Variants in LRRC3B observed in about 807,000 individuals in gnomAD.
LRRC3B encodes leucine rich repeat containing 3B.
LRRC3B carries 2 observed loss-of-function variants against 12.8 expected under a neutral mutation model. That is an observed-to-expected ratio of 0.16 (90% CI 0.06 to 0.49). The LOEUF (loss-of-function observed/expected upper bound fraction) is 0.49, where lower values mean the gene tolerates loss of function less well. Ranked by LOEUF, LRRC3B falls within the 20% of genes least tolerant of loss-of-function variation. The probability of loss-of-function intolerance (pLI) is 0.96; values close to 1 mark genes in which losing one functional copy is unlikely to be tolerated. For synonymous variants in LRRC3B, 132 were observed against 122.0 expected (o/e 1.08, Z -0.54); for missense variants, 189 against 319.4 (o/e 0.59, Z 3.11).
chr3:26,672,976 A>G (rs1246925871), intron 1 of LRRC3B, among the ~76,000 whole-genome samples: 1 of 152,208 alleles, frequency 6.6e-6, no homozygotes, highest in Non-Finnish European at 1.5e-5. Context: ...TGGTTGGCGA[A>G]GTAGGTTTAT....
Position 26,671,369 on chromosome 3 carries a change from T to TAG in LRRC3B, c.-160-38143_-160-38142insGA, listed in dbSNP as rs773929815. Reference sequence around the variant, plus strand: ...ATGTGTGTATATATATATATATATATATATAGAGAGAGAGAGAGAGAGAGA... The same window carrying TAG: ...ATGTGTGTATATATATATATATATATAGATATAGAGAGAGAGAGAGAGAGAGA... On this transcript the variant is annotated intron_variant, in intron 1 of 1. Transcript: ENST00000396641. Among the ~76,000 whole-genome samples, 311 of 38,164 alleles carry TAG rather than the reference T, an allele frequency of 8.1e-3. 5 individuals carry two copies. Among genetic ancestry groups the TAG allele is most frequent in the Middle Eastern group, 0.045 (2 of 44 alleles). 25.0% of individuals were successfully genotyped at this position (38,164 alleles called of 152,430 possible). A position where few individuals can be genotyped will look rare whatever the true frequency, so the allele number is the denominator to read the frequency against.
At chr3:26,669,076 G>T (rs1216257226) in intron 1 of LRRC3B, among the ~76,000 whole-genome samples, 1 of 152,148 alleles carries the variant, frequency 6.6e-6, no homozygotes, top group Non-Finnish European at 1.5e-5. Flanking sequence ...TATTCATTAA[G>T]ATTAATAAAT....
rs1464434108 is a variant in LRRC3B at position 26,663,962 on chromosome 3, A to G, written c.-161+40725A>G. Among the ~76,000 whole-genome samples, 3 of 152,224 alleles carry G rather than the reference A, an allele frequency of 2.0e-5. No homozygotes were observed. In the East Asian group the frequency reaches 5.8e-4, roughly 29 times the overall value. On this transcript the variant is annotated intron_variant, in intron 1 of 1. Coordinates refer to ENST00000396641, the Ensembl canonical transcript of LRRC3B. ...TTTAATTCAATCAGAGGATTTTTCT[A>G]TGAACACATTTGAACATGTACTTTC... is the stretch of plus-strand genomic sequence containing the variant.
chr3:26,629,237 T>A (rs926443845), intron 1 of LRRC3B, among the ~76,000 whole-genome samples: 5 of 133,614 alleles, frequency 3.7e-5, no homozygotes, highest in African/African-American at 1.4e-4. Context: ...CCTCCCACTC[T>A]TCCTCCCTTC....
At chr3:26,667,708 G>T (rs1158403528) in intron 1 of LRRC3B, among the ~76,000 whole-genome samples, 1 of 151,990 alleles carries the variant, frequency 6.6e-6, no homozygotes, top group Admixed American at 6.5e-5. Flanking sequence ...TATCTCATTG[G>T]ACAAAACATG....
intron 1 of LRRC3B, among the ~76,000 whole-genome samples, chr3:26,635,000 G>T (rs146108469): frequency 6.7e-4 from 102 of 152,344 alleles, no homozygotes; most frequent in East Asian, 6.4e-3. Context: ...ATCATGAGAA[G>T]CTTCAAAGAT....
rs73059387 is a variant in LRRC3B, at chr3:26,709,638, G to T, written c.-35G>T. 2.5e-6 allele frequency: 4 copies of T among 1,596,660 alleles called. No individual in the cohort carries two copies. Among genetic ancestry groups the T allele is most frequent in the Non-Finnish European group, 3.4e-6 (4 of 1,169,760 alleles). ...CTTTACCACGCTTGTTGGAGTAGATGAGGAATGGGCTCGTGATTATGCTGA... is the reference window on the plus strand; with the variant it reads ...CTTTACCACGCTTGTTGGAGTAGATTAGGAATGGGCTCGTGATTATGCTGA... On this transcript the variant is annotated 5_prime_UTR_variant, in exon 2 of 2. An upstream start codon of the reference 5' UTR is lost. Transcript: ENST00000396641.
At chr3:26,637,176 G>A (rs1279677001) in intron 1 of LRRC3B, among the ~76,000 whole-genome samples, 1 of 151,550 alleles carries the variant, frequency 6.6e-6, no homozygotes. Flanking sequence ...TTTTAGTAGA[G>A]ACAGGGTTTC....
intron 1 of LRRC3B, among the ~76,000 whole-genome samples, chr3:26,657,911 A>G (rs901768200): frequency 6.6e-6 from 1 of 152,168 alleles, no homozygotes; most frequent in Non-Finnish European, 1.5e-5. Flanking sequence ...TCAAACTTTG[A>G]TAAGTAAATA....
chr3:26,631,963 A>C (rs1698765932), intron 1 of LRRC3B, among the ~76,000 whole-genome samples: 1 of 152,228 alleles, frequency 6.6e-6, no homozygotes, highest in Non-Finnish European at 1.5e-5. Context: ...TTCTCTGTTT[A>C]AGTTGACTCA....
At chr3:26,654,698 A>G (rs77170516) in intron 1 of LRRC3B, among the ~76,000 whole-genome samples, 35 of 152,318 alleles carry the variant, frequency 2.3e-4, no homozygotes, top group African/African-American at 8.4e-4. Context: ...AGCAGGGGAG[A>G]ATATCAGAAC....
At chr3:26,692,865 C>A in intron 1 of LRRC3B, among the ~76,000 whole-genome samples, 1 of 152,198 alleles carries the variant, frequency 6.6e-6, no homozygotes, top group African/African-American at 2.4e-5. Flanking sequence ...TGGTCAGCTG[C>A]AGATCAAGTA....
At chr3:26,686,176 T>G (rs1216788943) in intron 1 of LRRC3B, among the ~76,000 whole-genome samples, 1 of 151,814 alleles carries the variant, frequency 6.6e-6, no homozygotes, top group East Asian at 1.9e-4. Flanking sequence ...GCCTCCCGGG[T>G]TCACGCCATT....
intron 1 of LRRC3B, among the ~76,000 whole-genome samples, chr3:26,681,784 A>G (rs1357960821): frequency 6.6e-6 from 1 of 152,172 alleles, no homozygotes; most frequent in African/African-American, 2.4e-5. Flanking sequence ...AAACAAAAGT[A>G]TTTCTAAAAT....
At chr3:26,671,350 G>GTGTA (rs1338809866) in intron 1 of LRRC3B, among the ~76,000 whole-genome samples, 2 of 56,748 alleles carry the variant, frequency 3.5e-5, no homozygotes, top group African/African-American at 8.3e-5. Flanking sequence ...ATATATGTGT[G>GTGTA]TATATATATA....
intron 1 of LRRC3B, among the ~76,000 whole-genome samples, chr3:26,693,186 G>A (rs1266859409): frequency 4.6e-5 from 7 of 150,626 alleles, no homozygotes; most frequent in African/African-American, 9.9e-5. Context: ...AAAATTAGCC[G>A]GGCATGGTGG....
intron 1 of LRRC3B, among the ~76,000 whole-genome samples, chr3:26,657,621 C>T (rs952954226): frequency 1.3e-5 from 2 of 152,078 alleles, no homozygotes; most frequent in African/African-American, 2.4e-5. Context: ...TGCTTTGAGT[C>T]GATCCAGAAT....
chr3:26,685,615 G>GTGTATATATATATATATATATA (rs1395832034), intron 1 of LRRC3B, among the ~76,000 whole-genome samples: 3 of 120,484 alleles, frequency 2.5e-5, no homozygotes, highest in East Asian at 5.3e-4. Context: ...ATGTGTGTGT[G>GTGTATATATATATATATATATA]TATATATATA....
rs111664502 is a variant in LRRC3B at position 26,704,678 on chromosome 3, A to G, written c.-160-4835A>G. Among the ~76,000 whole-genome samples the G allele has an allele frequency of 2.9e-3, 448 of 152,228 alleles. 1 individual carries two copies. The highest frequency in any genetic ancestry group is 0.01 in the African/African-American group (416 of 41,548). On this transcript the variant is annotated intron_variant, in intron 1 of 1. Transcript: ENST00000396641. Reference sequence around the variant, plus strand: ...ATCTATCTCATAAGTAGCAGGGACTATAGGTGTGTACTGTTGCACCCAGCT... The same window carrying G: ...ATCTATCTCATAAGTAGCAGGGACTGTAGGTGTGTACTGTTGCACCCAGCT...
Sources: allele counts gnomAD v4.1 joint callset (sites outside exome capture counted in the v4.1 genomes callset), GRCh38; gene constraint gnomAD v4.1.1; transcripts MANE v1.5; gene names NCBI Gene and HGNC (gene_info 2026-07-23, HGNC 2026-07-21).